The following ITGA8 variants were observed in gnomAD, a reference collection of about 807,000 sequenced individuals.
The protein encoded by ITGA8 is integrin alpha-8.
ITGA8 carries 91 observed loss-of-function variants against 142.3 expected under a neutral mutation model. That is an observed-to-expected ratio of 0.64 (90% confidence interval 0.54 to 0.76). The LOEUF is 0.76. Ranked by LOEUF, ITGA8 falls within the 30% of genes least tolerant of loss-of-function variation. The pLI is 0.00. For missense variants in ITGA8, 1,406 were observed against 1,327.7 expected (o/e 1.06, Z -0.92); for synonymous variants, 505 against 485.2 (o/e 1.04, Z -0.54).
chr10:15,680,767 A>C (rs1172863329), intron 4 of ITGA8, among the ~76,000 whole-genome samples: 3 of 151,840 alleles, frequency 2.0e-5, no homozygotes, highest in Admixed American at 6.6e-5. Flanking sequence ...TTAAGAGAAA[A>C]CATTCATTTT....
intron 5 of ITGA8, 144 bp downstream of exon 5, chr10:15,678,578 C>T: frequency 1.9e-6 from 1 of 514,134 alleles, no homozygotes; most frequent in Non-Finnish European, 3.5e-6. Context: ...TTTTAGAAAG[C>T]ATTTGCCCAA....
intron 25 of ITGA8, among the ~76,000 whole-genome samples, chr10:15,568,043 G>T (rs147752111): frequency 6.6e-6 from 1 of 152,282 alleles, no homozygotes; most frequent in African/African-American, 2.4e-5. Context: ...CTCCTGAGCA[G>T]CTGGGACTCC....
chr10:15,630,560 A>C (rs1247434675), intron 13 of ITGA8, among the ~76,000 whole-genome samples: 1 of 151,968 alleles, frequency 6.6e-6, no homozygotes, highest in Non-Finnish European at 1.5e-5. Flanking sequence ...ACAACAGTTC[A>C]GGGAAGGCTT....
chr10:15,629,502 T>TA (rs1311901603), intron 13 of ITGA8, among the ~76,000 whole-genome samples: 8 of 152,002 alleles, frequency 5.3e-5, no homozygotes, highest in South Asian at 2.1e-4. Context: ...TCATCTTATG[T>TA]AAAAGAAAAA....
At chr10:15,556,722 TC>T (rs1371463709) in intron 26 of ITGA8, among the ~76,000 whole-genome samples, 2 of 152,210 alleles carry the variant, frequency 1.3e-5, no homozygotes, top group Non-Finnish European at 2.9e-5. Flanking sequence ...CCAATTATGC[TC>T]TTTTAGTTAT....
intron 13 of ITGA8, among the ~76,000 whole-genome samples, chr10:15,619,559 G>T (rs1220718242): frequency 6.6e-6 from 1 of 152,176 alleles, no homozygotes; most frequent in Non-Finnish European, 1.5e-5. Flanking sequence ...TCTTTTGTAA[G>T]GGTTTAAATC....
At chr10:15,629,951 T>C (rs913393607) in intron 13 of ITGA8, among the ~76,000 whole-genome samples, 7 of 151,742 alleles carry the variant, frequency 4.6e-5, no homozygotes, top group African/African-American at 1.7e-4. Flanking sequence ...ACAAAACAAA[T>C]AAACAAAAAA....
intron 28 of ITGA8, among the ~76,000 whole-genome samples, chr10:15,523,238 A>T (rs977245652): frequency 6.6e-6 from 1 of 152,222 alleles, no homozygotes; most frequent in Admixed American, 6.5e-5. Flanking sequence ...GCAGGTTTTG[A>T]TGTATCATCT....
chr10:15,531,081 T>A lies in ITGA8; in HGVS notation c.2951A>T (p.Gln984Leu). ...FEVKKMPYTDQPAKLPEGSIV... is the reference protein window; with the variant it reads ...FEVKKMPYTDLPAKLPEGSIV... ...GCTTCCTTCTGGGAGTTTTGCTGGC[T>A]GATCTGTATAAGGCATCTTCTTAAC... is the stretch of plus-strand genomic sequence containing the variant. Residue 984 changes from glutamine (Q) to leucine (L), a missense_variant, in exon 28 of 30, where the codon CAG (glutamine) becomes CTG (leucine). By Grantham distance (113) the Gln-to-Leu change is moderately radical. Transcript: ENST00000378076. 6.3e-7 allele frequency: 1 copy of A among 1,584,784 alleles called. No homozygotes were observed. The highest frequency in any genetic ancestry group is 1.2e-5 in the South Asian group (1 of 83,884).
chr10:15,597,437 C>A, intron 20 of ITGA8, 138 bp from the exon 21 acceptor site: 3 of 647,528 alleles, frequency 4.6e-6, no homozygotes, highest in East Asian at 2.6e-5. Flanking sequence ...AATTGATGAC[C>A]CTTAACTCAG....
rs34758919 is a variant in ITGA8 at position 15,527,906 on chromosome 10, C to CTTTTTTTTTTTTTTTTTTTTTTTTTTTTT, written c.2982+3143_2982+3144insAAAAAAAAAAAAAAAAAAAAAAAAAAAAA. On this transcript the variant is annotated intron_variant, in intron 28 of 29. Transcript: ENST00000378076. ...TTAAAGCAATTCCCTTTCGGCTGGG[C>CTTTTTTTTTTTTTTTTTTTTTTTTTTTTT]TTTTTTTTTTTTTTTTTTTTTTTTT... Among the ~76,000 whole-genome samples, 22 of 78,036 alleles carry CTTTTTTTTTTTTTTTTTTTTTTTTTTTTT rather than the reference C, an allele frequency of 2.8e-4. 10 individuals are homozygous for CTTTTTTTTTTTTTTTTTTTTTTTTTTTTT. Among genetic ancestry groups the CTTTTTTTTTTTTTTTTTTTTTTTTTTTTT allele is most frequent in the South Asian group, 1.8e-3 (4 of 2,186 alleles). 51.2% of individuals were successfully genotyped at this position (78,036 alleles called of 152,430 possible). A position where few individuals can be genotyped will look rare whatever the true frequency, so the allele number is the denominator to read the frequency against.
At chr10:15,538,341 C>T (rs771285468) in intron 27 of ITGA8, among the ~76,000 whole-genome samples, 53 of 151,908 alleles carry the variant, frequency 3.5e-4, no homozygotes, top group Non-Finnish European at 7.2e-4. Flanking sequence ...GGTGAAACTC[C>T]GTCTCTACTA....
chr10:15,556,158 C>T (rs993253297), intron 26 of ITGA8, among the ~76,000 whole-genome samples: 2 of 150,280 alleles, frequency 1.3e-5, no homozygotes, highest in African/African-American at 2.5e-5. Flanking sequence ...TCCTGAGTAG[C>T]TGGGATTACA....
At chr10:15,638,410 T>C (rs909697435) in intron 13 of ITGA8, among the ~76,000 whole-genome samples, 14 of 152,206 alleles carry the variant, frequency 9.2e-5, no homozygotes, top group African/African-American at 3.4e-4. Flanking sequence ...GCAATGTGTA[T>C]GCCCTGCCAT....
chr10:15,632,810 G>A (rs1007643063), intron 13 of ITGA8, among the ~76,000 whole-genome samples: 18 of 151,876 alleles, frequency 1.2e-4, no homozygotes, highest in Non-Finnish European at 2.2e-4. Flanking sequence ...CAAGGTTAAC[G>A]ATATATAGAC....
chr10:15,522,537 G>A (rs192666342), intron 28 of ITGA8, among the ~76,000 whole-genome samples: 4 of 152,284 alleles, frequency 2.6e-5, no homozygotes, highest in Admixed American at 2.6e-4. Flanking sequence ...AGAGAAATCT[G>A]GAGCCATGGA....
At chr10:15,695,693 A>T (rs1835038138) in intron 2 of ITGA8, among the ~76,000 whole-genome samples, 2 of 152,220 alleles carry the variant, frequency 1.3e-5, no homozygotes, top group African/African-American at 4.8e-5. Flanking sequence ...TATGGAAAAT[A>T]CATTTCCTAG....
chr10:15,604,093 C>T, intron 20 of ITGA8, 115 bp downstream of exon 20: 1 of 897,758 alleles, frequency 1.1e-6, no homozygotes, highest in Non-Finnish European at 1.7e-6. Context: ...AAGAAGGTAT[C>T]ATTTTGCTGT....
At chr10:15,703,937 A>C (rs1835211544) in intron 2 of ITGA8, among the ~76,000 whole-genome samples, 1 of 152,164 alleles carries the variant, frequency 6.6e-6, no homozygotes, top group Non-Finnish European at 1.5e-5. Flanking sequence ...ACAGCACTTA[A>C]GACCAGATTA....
Sources: gnomAD v4.1 joint callset for allele counts (sites outside exome capture counted in the v4.1 genomes callset) on GRCh38, gnomAD v4.1.1 for gene constraint, MANE v1.5 for transcripts, NCBI Gene and HGNC (gene_info 2026-07-23, HGNC 2026-07-21) for gene names.